The following SLC16A14 variants were observed in gnomAD, a reference collection of about 807,000 sequenced individuals.
SLC16A14 encodes monocarboxylate transporter 14.
A neutral mutation model predicts 35.8 loss-of-function variants in SLC16A14; 14 were observed. The observed-to-expected ratio is 0.39, with a 90% CI of 0.26 to 0.61. The LOEUF (loss-of-function observed/expected upper bound fraction) is 0.61. Ranked by LOEUF, SLC16A14 falls within the 20% of genes least tolerant of loss-of-function variation. The pLI is 0.51. For synonymous variants in SLC16A14, 248 were observed against 258.9 expected (o/e 0.96, Z 0.40); for missense variants, 533 against 655.0 (o/e 0.81, Z 2.03).
At chr2:230,050,044 C>T (rs929910679) in intron 2 of SLC16A14, 140 bp from the exon 3 acceptor site, 4 of 948,000 alleles carry the variant, frequency 4.2e-6, no homozygotes, top group Non-Finnish European at 6.2e-6. Context: ...CTTTATATGC[C>T]AAACATTTTT....
At chr2:230,067,571 T>TCTCTCTCA (rs1269765776) in intron 1 of SLC16A14, among the ~76,000 whole-genome samples, 14 of 143,820 alleles carry the variant, frequency 9.7e-5, no homozygotes, top group African/African-American at 3.9e-4. Context: ...TCTCTCTCTC[T>TCTCTCTCA]CACACACACA....
At chr2:230,066,531 A>G in intron 1 of SLC16A14, 1 of 366,222 alleles carries the variant, frequency 2.7e-6, no homozygotes. Flanking sequence ...CTACATATTT[A>G]CGTGATAATA....
rs1316475634 is a variant in SLC16A14 at position 230,046,740 on chromosome 2, G to A, written c.404-18C>T. On this transcript the variant is annotated intron_variant, in intron 3 of 4. Coordinates refer to ENST00000295190, the MANE Select transcript of SLC16A14 (RefSeq NM_152527.5). The surrounding 1 kb of genome is among the most constrained non-coding windows in gnomAD (Gnocchi z 5.0). ...GCCCAGGCCTGTACAGGCCGACGGG[G>A]GGAAGAAAAGACACAGTGCAACATC... The A allele has an allele frequency of 6.4e-7, 1 of 1,572,842 alleles. No individual in the cohort carries two copies. Among genetic ancestry groups the A allele is most frequent in the Non-Finnish European group, 8.6e-7 (1 of 1,165,088 alleles).
chr2:230,060,688 G>A (rs78293743), intron 1 of SLC16A14, among the ~76,000 whole-genome samples: 1 of 130,728 alleles, frequency 7.6e-6, no homozygotes, highest in East Asian at 2.0e-4. Flanking sequence ...GTTTTTTTTG[G>A]GGGGAGGGGA....
chr2:230,041,772 TA>T (rs1283210408), intron 4 of SLC16A14, among the ~76,000 whole-genome samples: 1 of 152,078 alleles, frequency 6.6e-6, no homozygotes, highest in East Asian at 1.9e-4. Context: ...TGTTTTTTTT[TA>T]AAAAGAAGGT....
At chr2:230,053,089 T>C (rs2077675707) in intron 2 of SLC16A14, among the ~76,000 whole-genome samples, 2 of 152,026 alleles carry the variant, frequency 1.3e-5, no homozygotes, top group African/African-American at 2.4e-5. Context: ...TTACAGGTGC[T>C]TGTCACCATG....
Position 230,046,159 on chromosome 2 carries a change from C to T in SLC16A14, c.967G>A (p.Ala323Thr). 6.2e-7 allele frequency: 1 copy of T among 1,613,962 alleles called. No homozygotes were observed. The highest frequency in any genetic ancestry group is 8.5e-7 in the Non-Finnish European group (1 of 1,179,898). ...ACAAAGCTGCTGTATGCAAACAAAG[C>T]CCAGAAAATAAAGGCTACAAACATT... is the stretch of plus-strand genomic sequence containing the variant. ...NRMFVAFIFWALFAYSSFVIP... is the reference protein window; with the variant it reads ...NRMFVAFIFWTLFAYSSFVIP... Residue 323 changes from alanine to threonine, a missense_variant, in exon 4 of 5, where the codon GCT becomes ACT. Ala to Thr is a moderately conservative substitution (Grantham distance 58). Transcript: ENST00000295190. The surrounding 1 kb of genome is among the most constrained non-coding windows in gnomAD (Gnocchi z 5.0).
intron 1 of SLC16A14, among the ~76,000 whole-genome samples, chr2:230,061,787 G>A (rs1373260278): frequency 1.3e-5 from 2 of 151,032 alleles, no homozygotes; most frequent in Admixed American, 6.6e-5. Context: ...TGTCACCCAG[G>A]CTGGAGGGCA....
rs1390587318 is a variant in SLC16A14, at chr2:230,046,496, C to T, written c.630G>A (p.Arg210=). ...TTGGGTTTTTACCAGGAGAGAGGGG[C>T]CTCATGAGCGCCCCACAAACACACA... ...LNLCVCGALM[R]PLSPGKNPND... The change falls in exon 4 of 5, where the codon AGG becomes AGA. Residue 210 remains arginine, a synonymous_variant. Coordinates refer to ENST00000295190, the MANE Select transcript of SLC16A14 (RefSeq NM_152527.5). The surrounding 1 kb of genome is among the most constrained non-coding windows in gnomAD (Gnocchi z 5.0). 1 of 1,614,102 alleles carries T rather than the reference C, an allele frequency of 6.2e-7. No individual in the cohort carries two copies. Among genetic ancestry groups the T allele is most frequent in the Non-Finnish European group, 8.5e-7 (1 of 1,179,998 alleles).
intron 3 of SLC16A14, among the ~76,000 whole-genome samples, chr2:230,047,846 A>G (rs1226281562): frequency 1.3e-5 from 2 of 152,236 alleles, no homozygotes; most frequent in Non-Finnish European, 2.9e-5. Flanking sequence ...AATATTTACC[A>G]TTGTCAATTA....
chr2:230,047,172 C>G (rs928413068), intron 3 of SLC16A14, among the ~76,000 whole-genome samples: 1 of 152,120 alleles, frequency 6.6e-6, no homozygotes, highest in Non-Finnish European at 1.5e-5. Context: ...TCCAGAGACC[C>G]CAACCTGGCT....
At chr2:230,062,256 G>A (rs969213128) in intron 1 of SLC16A14, among the ~76,000 whole-genome samples, 1 of 152,110 alleles carries the variant, frequency 6.6e-6, no homozygotes, top group Admixed American at 6.5e-5. Context: ...ATGTGGACGG[G>A]TAGGAGAGAG....
chr2:230,054,085 G>GA (rs376535976), intron 2 of SLC16A14, among the ~76,000 whole-genome samples: 4,540 of 115,436 alleles, frequency 0.039, 82 homozygotes, highest in Admixed American at 0.075. Context: ...GCAGCCTGAG[G>GA]TGGGGGGGGA....
At position 230,045,758 on chromosome 2, in the gene SLC16A14, T is replaced by G. The variant is rs779608922; in HGVS notation, c.1368A>C (p.Gly456=). ...ICANGISALL[G]PPFAGWIYDI... ...CAGAGAGTTTACCTGCAAAAGGTGG[T>G]CCCAGCAATGCAGAGATGCCATTAG... is the stretch of plus-strand genomic sequence containing the variant. The change falls in exon 4 of 5, where the codon GGA becomes GGC. Residue 456 remains glycine, a synonymous_variant. Coordinates refer to ENST00000295190, the MANE Select transcript of SLC16A14 (RefSeq NM_152527.5). 5.0e-6 allele frequency: 8 copies of G among 1,614,140 alleles called. No individual in the cohort carries two copies. In the Middle Eastern group the frequency reaches 5.0e-4, roughly 100 times the overall value.
At position 230,063,759 on chromosome 2, in the gene SLC16A14, G is replaced by T. The variant is rs999894440; in HGVS notation, c.-14-4393C>A. ...GATGGAGATTATTCTTTGAATGATGGTCTTACCAGTAATTTCCCGCTTCTT... is the reference window on the plus strand; with the variant it reads ...GATGGAGATTATTCTTTGAATGATGTTCTTACCAGTAATTTCCCGCTTCTT... On this transcript the variant is annotated intron_variant, in intron 1 of 4. Coordinates refer to ENST00000295190, the MANE Select transcript of SLC16A14 (RefSeq NM_152527.5). Among the ~76,000 whole-genome samples the T allele has an allele frequency of 2.6e-5, 4 of 152,252 alleles. No homozygotes were observed. The South Asian group carries it at 8.3e-4, about 32-fold the overall frequency.
intron 2 of SLC16A14, among the ~76,000 whole-genome samples, chr2:230,056,787 T>C (rs1314041421): frequency 1.3e-5 from 2 of 151,394 alleles, no homozygotes; most frequent in African/African-American, 4.9e-5. Context: ...GGAGGATCGC[T>C]TGAGCCCAGG....
Position 230,045,783 on chromosome 2 carries a change from G to A in SLC16A14, c.1343C>T (p.Ala448Val). ...LANAYGIIIC[A>V]NGISALLGPP... is the part of the protein sequence containing the mutation. ...TCCCAGCAATGCAGAGATGCCATTA[G>A]CACAGATGATGATGCCGTAGGCATT... The change falls in exon 4 of 5, where the codon GCT (alanine) becomes GTT (valine). Residue 448 changes from alanine (A) to valine (V), a missense_variant. Ala to Val is a moderately conservative substitution (Grantham distance 64, BLOSUM62 0). Coordinates refer to ENST00000295190, the MANE Select transcript of SLC16A14 (RefSeq NM_152527.5). 6.2e-7 allele frequency: 1 copy of A among 1,614,236 alleles called. No homozygotes were observed. Among genetic ancestry groups the A allele is most frequent in the Admixed American group, 1.7e-5 (1 of 60,032 alleles).
intron 2 of SLC16A14, among the ~76,000 whole-genome samples, chr2:230,052,384 C>A (rs1191207702): frequency 6.6e-6 from 1 of 152,136 alleles, no homozygotes; most frequent in Admixed American, 6.5e-5. Flanking sequence ...TGTCTGATTT[C>A]TTTACACATT....
At chr2:230,064,183 G>C (rs569609507) in intron 1 of SLC16A14, among the ~76,000 whole-genome samples, 1 of 152,122 alleles carries the variant, frequency 6.6e-6, no homozygotes, top group East Asian at 1.9e-4. Flanking sequence ...GTCTGGATCA[G>C]CCTCTTACCT....
Sources: allele counts gnomAD v4.1 joint callset (sites outside exome capture counted in the v4.1 genomes callset), GRCh38; gene constraint gnomAD v4.1.1; non-coding constraint Gnocchi (gnomAD v3.1); transcripts MANE v1.5; gene names NCBI Gene and HGNC (gene_info 2026-07-23, HGNC 2026-07-21).